Variants in HIVEP1 observed in about 807,000 individuals in gnomAD.
HIVEP1 encodes HIVEP zinc finger 1, also known as zinc finger protein 40.
Under a neutral mutation model 180.0 loss-of-function variants are expected in HIVEP1, and 36 were observed. The observed-to-expected ratio is 0.20, with a 90% confidence interval of 0.15 to 0.26. The LOEUF is 0.26. Ranked by LOEUF, HIVEP1 falls within the 10% of genes least tolerant of loss-of-function variation. HIVEP1 has a pLI of 1.00. For synonymous variants in HIVEP1, 1,239 were observed against 1,239.0 expected, an observed-to-expected ratio of 1.00 and a Z score of 0.00; for missense variants, 3,143 against 3,268.7, an observed-to-expected ratio of 0.96 and a Z score of 0.94.
In HIVEP1 at chr6:12,015,648, T is replaced by C; in HGVS notation, c.20T>C (p.Ile7Thr). ...AAGAAGATGCCTCGAACTAAACAAA[T>C]TCATCCCAGAAATCTAAGAGGTAAA... The part of the protein sequence containing the change: MPRTKQ[I>T]HPRNLRDKIE... The change falls in exon 2 of 9, where the codon ATT (isoleucine) becomes ACT (threonine). Residue 7 changes from isoleucine to threonine, a missense_variant. Ile to Thr is a moderately conservative substitution (Grantham distance 89). This residue lies in a region of HIVEP1 where 114 missense variants were observed against 134.5 expected (regional missense o/e 0.85). Coordinates refer to ENST00000379388, the MANE Select transcript of HIVEP1 (RefSeq NM_002114.4). The C allele has an allele frequency of 1.2e-6, 2 of 1,613,728 alleles. No homozygotes were observed. The highest frequency in any genetic ancestry group is 1.7e-6 in the Non-Finnish European group (2 of 1,179,776).
chr6:12,168,452 G>T (rs1760819406), downstream of HIVEP1, among the ~76,000 whole-genome samples: 1 of 144,566 alleles, frequency 6.9e-6, no homozygotes, highest in Non-Finnish European at 1.5e-5. Context: ...ACCAAGTGGG[G>T]AAAAAAAGGA....
At chr6:12,045,133 T>C (rs79746845) in intron 2 of HIVEP1, among the ~76,000 whole-genome samples, 4 of 140,610 alleles carry the variant, frequency 2.8e-5, no homozygotes, top group African/African-American at 1.1e-4. Context: ...CACAGTCAGC[T>C]CTGTTCCTAA....
intron 2 of HIVEP1, among the ~76,000 whole-genome samples, chr6:12,041,812 A>G (rs1483641933): frequency 6.6e-6 from 1 of 150,766 alleles, no homozygotes; most frequent in African/African-American, 2.5e-5. Flanking sequence ...GTTCCATGCC[A>G]CCATGCCTGG....
At chr6:12,113,387 C>T (rs1336276567) in intron 3 of HIVEP1, among the ~76,000 whole-genome samples, 1 of 151,646 alleles carries the variant, frequency 6.6e-6, no homozygotes, top group Non-Finnish European at 1.5e-5. Flanking sequence ...AAGTACAAAT[C>T]CCAGGGGCAG....
chr6:12,130,124 AAACT>A (rs761940102), intron 5 of HIVEP1, among the ~76,000 whole-genome samples: 20 of 152,228 alleles, frequency 1.3e-4, no homozygotes, highest in Non-Finnish European at 1.9e-4. Flanking sequence ...AGGCAGCTAA[AAACT>A]AAATTATTAG....
intron 2 of HIVEP1, among the ~76,000 whole-genome samples, chr6:12,082,489 A>G (rs1378354344): frequency 6.6e-6 from 1 of 152,054 alleles, no homozygotes; most frequent in Non-Finnish European, 1.5e-5. Context: ...GTTTTCTAAG[A>G]TCTTGATACC....
intron 3 of HIVEP1, among the ~76,000 whole-genome samples, chr6:12,105,216 A>G (rs1024535095): frequency 6.6e-6 from 1 of 152,192 alleles, no homozygotes; most frequent in African/African-American, 2.4e-5. Flanking sequence ...CTTGATCTTT[A>G]TGCAATTTTC....
chr6:12,179,137 C>T, the HIVEP1 span, among the ~76,000 whole-genome samples: 1 of 152,108 alleles, frequency 6.6e-6, no homozygotes, highest in Non-Finnish European at 1.5e-5. Flanking sequence ...CCTGGAGAGA[C>T]GCTGAAGGTT....
At chr6:12,116,552 A>T (rs1029743523) in intron 3 of HIVEP1, among the ~76,000 whole-genome samples, 2 of 152,112 alleles carry the variant, frequency 1.3e-5, no homozygotes, top group Admixed American at 6.6e-5. Flanking sequence ...TACAATAAAA[A>T]AAAAAGTCCT....
chr6:12,054,174 A>G (rs954519101), intron 2 of HIVEP1, among the ~76,000 whole-genome samples: 18 of 152,320 alleles, frequency 1.2e-4, no homozygotes, highest in African/African-American at 4.3e-4. Flanking sequence ...GGATTATTAC[A>G]TTTGATTCAC....
At chr6:12,137,847 A>G (rs1758789844) in intron 7 of HIVEP1, among the ~76,000 whole-genome samples, 1 of 152,144 alleles carries the variant, frequency 6.6e-6, no homozygotes, top group South Asian at 2.1e-4. Context: ...TGCTTTTAAA[A>G]CATATTTGGA....
chr6:12,153,099 A>G (rs1291079727), intron 7 of HIVEP1, among the ~76,000 whole-genome samples: 1 of 152,224 alleles, frequency 6.6e-6, no homozygotes, highest in Non-Finnish European at 1.5e-5. Context: ...TGAAATTTTA[A>G]AAGTTCAATT....
rs538896972 is a variant in HIVEP1 at position 12,032,433 on chromosome 6, C to T, written c.40+16765C>T. On this transcript the variant is annotated intron_variant, in intron 2 of 8. Transcript: ENST00000379388. ...CTGGGATTACAGGCGTGAGCCACCG[C>T]GCCCGGCCATGATAACTTTTATATT... is the stretch of plus-strand genomic sequence containing the variant. Among the ~76,000 whole-genome samples the T allele has an allele frequency of 4.9e-4, 74 of 152,148 alleles. 1 individual carries two copies. The highest frequency in any genetic ancestry group is 1.6e-3 in the African/African-American group (67 of 41,518).
intron 2 of HIVEP1, among the ~76,000 whole-genome samples, chr6:12,058,563 C>A (rs1771020019): frequency 6.6e-6 from 1 of 152,180 alleles, no homozygotes; most frequent in African/African-American, 2.4e-5. Flanking sequence ...TAAAATATGG[C>A]TGTTGCCCTT....
chr6:12,186,539 C>A, the HIVEP1 span, among the ~76,000 whole-genome samples: 27 of 72,036 alleles, frequency 3.7e-4, 1 homozygote, highest in Admixed American at 3.8e-3. Context: ...CTAAAACCAT[C>A]AAATTGTTAA....
At chr6:12,065,173 A>G (rs1469643621) in intron 2 of HIVEP1, among the ~76,000 whole-genome samples, 1 of 152,232 alleles carries the variant, frequency 6.6e-6, no homozygotes, top group Non-Finnish European at 1.5e-5. Flanking sequence ...TGGAATCATT[A>G]GTAGGTGTTT....
chr6:12,184,065 A>AT, the HIVEP1 span, among the ~76,000 whole-genome samples: 1 of 150,834 alleles, frequency 6.6e-6, no homozygotes, highest in Non-Finnish European at 1.5e-5. Flanking sequence ...AGACAGACTG[A>AT]TTTGGGGGGA....
chr6:12,013,911 T>G (rs58831065), intron 1 of HIVEP1, among the ~76,000 whole-genome samples: 6,780 of 152,350 alleles, frequency 0.045, 196 homozygotes, highest in Middle Eastern at 0.16. Context: ...GATAAAATAC[T>G]GAAGTTAATC....
chr6:12,026,845 T>TA (rs1346817654), intron 2 of HIVEP1, among the ~76,000 whole-genome samples: 6 of 152,204 alleles, frequency 3.9e-5, no homozygotes, highest in Non-Finnish European at 8.8e-5. Flanking sequence ...AAAAGAGTAA[T>TA]ATGGCTTTGA....
Sources: allele counts gnomAD v4.1 joint callset (sites outside exome capture counted in the v4.1 genomes callset), GRCh38; gene constraint gnomAD v4.1.1; regional missense constraint gnomAD v4.1.1; transcripts MANE v1.5; gene names NCBI Gene and HGNC (gene_info 2026-07-23, HGNC 2026-07-21).